The following ARHGAP40 variants were observed in gnomAD, a reference collection of about 807,000 sequenced individuals.
ARHGAP40 encodes the protein Rho GTPase activating protein 40, also known as rho GTPase-activating protein 40.
Under a neutral mutation model 73.5 loss-of-function variants are expected in ARHGAP40, and 43 were observed. The ratio of observed to expected loss-of-function variants is 0.58; its 90% CI spans 0.46 to 0.75. ARHGAP40 has a LOEUF of 0.75. Among genes scored for constraint, ARHGAP40 ranks in the 30% least tolerant of loss-of-function variants. ARHGAP40 has a pLI of 0.00. For synonymous variants in ARHGAP40, 300 were observed against 352.8 expected, an observed-to-expected ratio of 0.85 and a Z score of 1.68; for missense variants, 734 against 861.8, an observed-to-expected ratio of 0.85 and a Z score of 1.86.
Position 38,615,000 on chromosome 20 carries a change from C to G in ARHGAP40, c.138-8359C>G. ...GTTGAGCGCTTGTGTGAGGAAAGTC[C>G]CGCTGGGGTTGATCTCCATCAAGGT... On this transcript the variant is annotated intron_variant, in intron 1 of 14. Transcript: ENST00000373345. The G allele has an allele frequency of 1.3e-5, 16 of 1,197,210 alleles. No individual in the cohort carries two copies. The South Asian group carries it at 1.9e-4, about 15-fold the overall frequency. The allele number at this position is 1,197,210 out of a possible 1,614,324, so 74.2% of individuals were successfully genotyped here.
chr20:38,635,287 G>GA (rs1307122898), intron 6 of ARHGAP40, among the ~76,000 whole-genome samples: 1 of 152,132 alleles, frequency 6.6e-6, no homozygotes, highest in Admixed American at 6.6e-5. Context: ...ATACAAAAAG[G>GA]AAAAAATATA....
chr20:38,625,098 G>A (rs530707321), intron 2 of ARHGAP40, among the ~76,000 whole-genome samples: 22 of 152,380 alleles, frequency 1.4e-4, no homozygotes, highest in South Asian at 8.3e-4. Context: ...AACAGACCAC[G>A]TGGTGATGCA....
In ARHGAP40 at chr20:38,626,803, G is replaced by A. The variant is rs531132176; in HGVS notation, c.338-192G>A. On this transcript the variant is annotated intron_variant, in intron 2 of 14. Transcript: ENST00000373345. ...TAATGCTATCAGTACCCCCCACCCC[G>A]CCCCCAGTTCTCAGAAGGCTCATTA... Among the ~76,000 whole-genome samples, 35 of 150,230 alleles carry A rather than the reference G, an allele frequency of 2.3e-4. 1 individual carries two copies. Among genetic ancestry groups the A allele is most frequent in the South Asian group, 2.1e-4 (1 of 4,692 alleles).
At chr20:38,608,225 A>T (rs982569215) in intron 1 of ARHGAP40, among the ~76,000 whole-genome samples, 3 of 21,508 alleles carry the variant, frequency 1.4e-4, no homozygotes, top group African/African-American at 2.0e-4. Flanking sequence ...ACCCAGGGAA[A>T]ACTTTGCACT....
chr20:38,623,244 G>A, intron 1 of ARHGAP40, 115 bp from the exon 2 acceptor site: 1 of 754,760 alleles, frequency 1.3e-6, no homozygotes, highest in Non-Finnish European at 1.8e-6. Context: ...TGCCTAGGAA[G>A]CTTGCTTAGC....
chr20:38,616,401 A>G (rs1216455301), intron 1 of ARHGAP40, among the ~76,000 whole-genome samples: 1 of 152,224 alleles, frequency 6.6e-6, no homozygotes, highest in Non-Finnish European at 1.5e-5. Flanking sequence ...GGCTCAGGTG[A>G]TAGGGATAAG....
chr20:38,632,644 G>T (rs1290556761), intron 5 of ARHGAP40, among the ~76,000 whole-genome samples: 2 of 152,080 alleles, frequency 1.3e-5, no homozygotes, highest in Non-Finnish European at 2.9e-5. Context: ...TTCTTTGACA[G>T]TGTTTCTCCA....
rs2089055321 is a variant in ARHGAP40 at position 38,646,640 on chromosome 20, C to T, written c.1711-317C>T. On this transcript the variant is annotated intron_variant, in intron 12 of 14. Coordinates refer to ENST00000373345, the Ensembl canonical transcript of ARHGAP40. The surrounding 1 kb of genome is among the most constrained non-coding windows in gnomAD (Gnocchi z 4.5). ...ATGAGCGTTGAGGCTGCACCGTGCA[C>T]GATGTGTGGGTGATGGGTCTTTATA... 6.6e-6 allele frequency among the ~76,000 whole-genome samples: 1 copy of T among 152,126 alleles called. No individual in the cohort carries two copies. Among genetic ancestry groups the T allele is most frequent in the African/African-American group, 2.4e-5 (1 of 41,420 alleles).
rs1053495236 is a variant in ARHGAP40 at position 38,647,155 on chromosome 20, C to T, written c.1880+29C>T. ...AGAGGCACCTCCTGGAGGCAGGAGC[C>T]TCTTCCCTGCAGGGAGGGCTCTGCA... On this transcript the variant is annotated intron_variant, in intron 13 of 14. Coordinates refer to ENST00000373345, the Ensembl canonical transcript of ARHGAP40. 14 of 1,295,542 alleles carry T rather than the reference C, an allele frequency of 1.1e-5. No individual in the cohort carries two copies. In the African/African-American group the frequency reaches 2.1e-4, roughly 20 times the overall value. The allele number at this position is 1,295,542 out of a possible 1,614,324, so 80.3% of individuals were successfully genotyped here.
At chr20:38,639,581 T>A (rs2089001631) in intron 9 of ARHGAP40, among the ~76,000 whole-genome samples, 195 bp downstream of exon 9, 1 of 152,256 alleles carries the variant, frequency 6.6e-6, no homozygotes, top group African/African-American at 2.4e-5. Context: ...TGCACGCGTG[T>A]CCTGCGTGTG....
chr20:38,605,360 A>C (rs2088765295), intron 1 of ARHGAP40, among the ~76,000 whole-genome samples: 1 of 152,212 alleles, frequency 6.6e-6, no homozygotes, highest in Admixed American at 6.5e-5. Flanking sequence ...GGTCACTACC[A>C]CATAATACAC....
chr20:38,614,992 G>C (rs1333509771), intron 1 of ARHGAP40: 2 of 1,210,086 alleles, frequency 1.7e-6, no homozygotes, highest in African/African-American at 1.5e-5. Flanking sequence ...GCTTGTGTGA[G>C]GAAAGTCCCG....
At chr20:38,641,471 G>T (rs1180679205) in intron 9 of ARHGAP40, among the ~76,000 whole-genome samples, 1 of 152,194 alleles carries the variant, frequency 6.6e-6, no homozygotes, top group Non-Finnish European at 1.5e-5. Context: ...GGTCTGTGCG[G>T]CATGTGCTTG....
chr20:38,613,257 C>T (rs2088814505), intron 1 of ARHGAP40, among the ~76,000 whole-genome samples: 1 of 152,092 alleles, frequency 6.6e-6, no homozygotes, highest in African/African-American at 2.4e-5. Context: ...TATTTGTCGT[C>T]TCAGAGGTCA....
In ARHGAP40 at chr20:38,643,737, C is replaced by T. The variant is rs61737953; in HGVS notation, c.1396C>T (p.Arg466Trp). ...GGAATTCCTCAGGAAGGTGGTGGCC[C>T]GGGAACAGCACAACAAGATGACTCT... is the stretch of plus-strand genomic sequence containing the variant. The change falls in exon 11 of 15, where the codon CGG becomes TGG. Residue 466 changes from arginine (R) to tryptophan (W), a missense_variant. Coordinates refer to ENST00000373345, the Ensembl canonical transcript of ARHGAP40. The T allele has an allele frequency of 2.3e-3, 3,049 of 1,305,794 alleles. 52 individuals are homozygous for T. The African/African-American group carries it at 0.04, about 17-fold the overall frequency. 80.9% of individuals were successfully genotyped at this position (1,305,794 alleles called of 1,614,324 possible). A position where few individuals can be genotyped will look rare whatever the true frequency, so the allele number is the denominator to read the frequency against.
At chr20:38,640,293 T>A (rs1363824234) in intron 9 of ARHGAP40, among the ~76,000 whole-genome samples, 1 of 151,072 alleles carries the variant, frequency 6.6e-6, no homozygotes, top group African/African-American at 2.4e-5. Flanking sequence ...CCTAGCTCAC[T>A]GCAGCCTTGA....
chr20:38,610,753 A>G (rs1043074776), intron 1 of ARHGAP40, among the ~76,000 whole-genome samples: 1 of 152,234 alleles, frequency 6.6e-6, no homozygotes, highest in Admixed American at 6.5e-5. Flanking sequence ...CTGTTAACCA[A>G]TATACCAGTT....
At chr20:38,604,639 C>T (rs1183149111) in intron 1 of ARHGAP40, among the ~76,000 whole-genome samples, 8 of 152,166 alleles carry the variant, frequency 5.3e-5, no homozygotes, top group Admixed American at 3.9e-4. Flanking sequence ...CATGATCCAC[C>T]CGCCTTAGCC....
At chr20:38,602,127 A>G (rs369389177) in intron 1 of ARHGAP40, 48 bp downstream of exon 1, 44 of 1,250,368 alleles carry the variant, frequency 3.5e-5, no homozygotes, top group African/African-American at 2.0e-4. Context: ...ACTATGCACC[A>G]GGGGCATGTG....
Sources: allele counts gnomAD v4.1 joint callset (sites outside exome capture counted in the v4.1 genomes callset), GRCh38; gene constraint gnomAD v4.1.1; non-coding constraint Gnocchi (gnomAD v3.1); transcripts MANE v1.5; gene names NCBI Gene and HGNC (gene_info 2026-07-23, HGNC 2026-07-21).